CHD6: variants seen among roughly 807,000 people sequenced by gnomAD.
CHD6 encodes the protein chromodomain helicase DNA binding protein 6.
CHD6 carries 50 observed loss-of-function variants against 276.9 expected under a neutral mutation model. The ratio of observed to expected loss-of-function variants is 0.18; its 90% CI spans 0.14 to 0.23. The LOEUF (loss-of-function observed/expected upper bound fraction) is 0.23. Among genes scored for constraint, CHD6 ranks in the 10% least tolerant of loss-of-function variants. The pLI is 1.00. For missense variants in CHD6, 2,564 were observed against 3,365.8 expected (o/e 0.76, Z 5.89); for synonymous variants, 1,173 against 1,229.3 (o/e 0.95, Z 0.96).
At chr20:41,614,401 T>C (rs763503417) in intron 1 of CHD6, among the ~76,000 whole-genome samples, 7 of 152,166 alleles carry the variant, frequency 4.6e-5, no homozygotes, top group Non-Finnish European at 1.0e-4. Context: ...AGTCCTTCAT[T>C]ATGACTATAA....
chr20:41,509,455 A>C (rs2044060931), intron 5 of CHD6, among the ~76,000 whole-genome samples: 2 of 152,196 alleles, frequency 1.3e-5, no homozygotes, highest in South Asian at 4.1e-4. Context: ...GAGTGCCCTA[A>C]GAGCAAAGGG....
At chr20:41,458,105 T>C (rs2048432853) in intron 17 of CHD6, among the ~76,000 whole-genome samples, 2 of 152,198 alleles carry the variant, frequency 1.3e-5, no homozygotes, top group African/African-American at 4.8e-5. Flanking sequence ...AGTTCTACCT[T>C]GGAACCTGAT....
rs1425817270 is a variant in CHD6 at position 41,499,276 on chromosome 20, A to C, written c.915+19T>G. 1.3e-6 allele frequency: 2 copies of C among 1,583,834 alleles called. No homozygotes were observed. The highest frequency in any genetic ancestry group is 1.7e-6 in the Non-Finnish European group (2 of 1,161,888). ...AATCTGTGCTAATGATATAAAAGCT[A>C]GAAACATGAGCCACCAACCTCCTGG... On this transcript the variant is annotated intron_variant, in intron 6 of 36. Coordinates refer to ENST00000373233, the MANE Select transcript of CHD6 (RefSeq NM_032221.5).
In CHD6 at chr20:41,402,673, A is replaced by G; in HGVS notation, c.*1920T>C. On this transcript the variant is annotated 3_prime_UTR_variant, in exon 37 of 37. Transcript: ENST00000373233. The stretch of plus-strand genomic sequence containing the variant: ...TCTACTTGATAAAAAGAAAATTAGT[A>G]CTTAAAAGGTTCAAAAATATATTGA... 4.6e-6 allele frequency: 1 copy of G among 217,202 alleles called. No individual in the cohort carries two copies. Among genetic ancestry groups the G allele is most frequent in the Admixed American group, 5.8e-5 (1 of 17,276 alleles). 13.5% of individuals were successfully genotyped at this position (217,202 alleles called of 1,614,324 possible).
intron 2 of CHD6, among the ~76,000 whole-genome samples, chr20:41,550,397 A>G (rs1384510907): frequency 3.3e-5 from 5 of 152,222 alleles, no homozygotes; most frequent in Non-Finnish European, 4.4e-5. Context: ...TCTTCTTGTT[A>G]TCTGGCAGCA....
At chr20:41,409,627 G>T (rs1334062774) in intron 36 of CHD6, among the ~76,000 whole-genome samples, 1 of 152,114 alleles carries the variant, frequency 6.6e-6, no homozygotes, top group Non-Finnish European at 1.5e-5. Flanking sequence ...GCGACGTGTG[G>T]CTCTTCATTT....
At chr20:41,590,108 T>C (rs1000721062) in intron 1 of CHD6, among the ~76,000 whole-genome samples, 1 of 152,102 alleles carries the variant, frequency 6.6e-6, no homozygotes, top group Non-Finnish European at 1.5e-5. Context: ...AAACAAGAAA[T>C]GGGGAAAGGA....
intron 8 of CHD6, among the ~76,000 whole-genome samples, chr20:41,496,213 AAT>A (rs1285432294): frequency 6.6e-6 from 1 of 152,236 alleles, no homozygotes; most frequent in Non-Finnish European, 1.5e-5. Flanking sequence ...TTGAACTGGC[AAT>A]ATGTTTTCTC....
intron 1 of CHD6, among the ~76,000 whole-genome samples, chr20:41,579,434 T>A (rs933438983): frequency 1.7e-5 from 1 of 58,240 alleles, no homozygotes; most frequent in Non-Finnish European, 2.7e-5. Context: ...TGAGACTCTG[T>A]CTCAAAAAAA....
At chr20:41,479,818 C>T (rs2043255114) in intron 16 of CHD6, among the ~76,000 whole-genome samples, 1 of 152,144 alleles carries the variant, frequency 6.6e-6, no homozygotes, top group African/African-American at 2.4e-5. Context: ...TATTTAGTAT[C>T]CAGCACCAAT....
At chr20:41,550,539 G>A (rs1391516897) in intron 2 of CHD6, among the ~76,000 whole-genome samples, 1 of 152,158 alleles carries the variant, frequency 6.6e-6, no homozygotes, top group Non-Finnish European at 1.5e-5. Context: ...GAAGCAAACT[G>A]GAAAGGTAGG....
intron 3 of CHD6, among the ~76,000 whole-genome samples, chr20:41,521,797 T>C (rs1158762897): frequency 1.3e-5 from 2 of 151,972 alleles, no homozygotes; most frequent in African/African-American, 4.8e-5. Context: ...TGTCAGAAAG[T>C]AAGAGGGTGT....
chr20:41,559,488 G>C lies in CHD6; in HGVS notation c.-23-8128C>G, dbSNP rs368164608. Among the ~76,000 whole-genome samples, 11 of 152,262 alleles carry C rather than the reference G, an allele frequency of 7.2e-5. No individual in the cohort carries two copies. The South Asian group carries it at 8.3e-4, about 11-fold the overall frequency. On this transcript the variant is annotated intron_variant, in intron 1 of 36. Coordinates refer to ENST00000373233, the MANE Select transcript of CHD6 (RefSeq NM_032221.5). Reference sequence around the variant, plus strand: ...AACCTAATGGGCATTTTTAGGCTTTGAGTGCTTTGCAGCATTTTAAACTAT... The same window carrying C: ...AACCTAATGGGCATTTTTAGGCTTTCAGTGCTTTGCAGCATTTTAAACTAT...
At chr20:41,572,803 A>ATTT (rs2045432829) in intron 1 of CHD6, among the ~76,000 whole-genome samples, 1 of 152,232 alleles carries the variant, frequency 6.6e-6, no homozygotes, top group Admixed American at 6.5e-5. Flanking sequence ...ACCCTGGGAA[A>ATTT]AAGGTCCTCT....
rs374391256 is a variant in CHD6, at chr20:41,417,220, T to C, written c.6257A>G (p.Tyr2086Cys). ...TACCTTTGGCCACTCAGAGAAGGAA[T>C]AGAGAGTTTTCTCCTGTAGCAGCTG... ...IAQLLQEKTL[Y>C]SFSEWPKDRV... is the part of the protein sequence containing the mutation. The change falls in exon 32 of 37, where the codon TAT becomes TGT. Residue 2086 changes from tyrosine to cysteine, a missense_variant. This residue lies in a region of CHD6 where 1,024 missense variants were observed against 1,047.9 expected (regional missense o/e 0.98). Coordinates refer to ENST00000373233, the MANE Select transcript of CHD6 (RefSeq NM_032221.5). 3.7e-6 allele frequency: 6 copies of C among 1,613,850 alleles called. No homozygotes were observed. The African/African-American group carries it at 5.3e-5, about 14-fold the overall frequency.
At position 41,510,151 on chromosome 20, in the gene CHD6, T is replaced by C. The variant is rs371753642; in HGVS notation, c.852+2695A>G. Among the ~76,000 whole-genome samples, 7 of 152,182 alleles carry C rather than the reference T, an allele frequency of 4.6e-5. No homozygotes were observed. The East Asian group carries it at 7.7e-4, about 17-fold the overall frequency. ...CCCAGAGGGCCCCGGGAGAAGGATA[T>C]AGGAAAAAGCCACCTCTTCTTCAAT... On this transcript the variant is annotated intron_variant, in intron 5 of 36. Coordinates refer to ENST00000373233, the MANE Select transcript of CHD6 (RefSeq NM_032221.5).
intron 1 of CHD6, among the ~76,000 whole-genome samples, chr20:41,579,129 C>CAAAAAA (rs58395642): frequency 7.0e-5 from 3 of 42,794 alleles, no homozygotes; most frequent in Non-Finnish European, 1.3e-4. Context: ...GACTCCATCT[C>CAAAAAA]AAAAAAAAAA....
chr20:41,508,389 G>C (rs573743847), intron 5 of CHD6, among the ~76,000 whole-genome samples: 1 of 152,188 alleles, frequency 6.6e-6, no homozygotes, highest in African/African-American at 2.4e-5. Context: ...TAACCATCTT[G>C]GATTTCGTGA....
intron 17 of CHD6, among the ~76,000 whole-genome samples, chr20:41,464,109 G>A (rs1188028864): frequency 1.3e-5 from 2 of 152,154 alleles, no homozygotes; most frequent in African/African-American, 4.8e-5. Flanking sequence ...GTACACTGGA[G>A]TTGCAAAATG....
Sources: gnomAD v4.1 joint callset for allele counts (sites outside exome capture counted in the v4.1 genomes callset) on GRCh38, gnomAD v4.1.1 for gene constraint, gnomAD v4.1.1 regional missense constraint, MANE v1.5 for transcripts, NCBI Gene and HGNC (gene_info 2026-07-23, HGNC 2026-07-21) for gene names.